MEGF11: variants seen among roughly 807,000 people sequenced by gnomAD.
MEGF11 encodes the protein multiple epidermal growth factor-like domains protein 11.
Under a neutral mutation model 146.6 loss-of-function variants are expected in MEGF11, and 126 were observed. That is an observed-to-expected ratio of 0.86 (90% CI 0.74 to 1.00). MEGF11 has a LOEUF of 1.00. Ranked by LOEUF, MEGF11 falls within the 50% of genes least tolerant of loss-of-function variation. The probability of loss-of-function intolerance (pLI) is 0.00; values close to 1 mark genes in which losing one functional copy is unlikely to be tolerated. For missense variants in MEGF11, 1,509 were observed against 1,521.2 expected (o/e 0.99, Z 0.13); for synonymous variants, 532 against 583.4 (o/e 0.91, Z 1.27).
At chr15:66,052,645 T>G (rs994149770) in intron 5 of MEGF11, among the ~76,000 whole-genome samples, 1 of 152,152 alleles carries the variant, frequency 6.6e-6, no homozygotes, top group African/African-American at 2.4e-5. Flanking sequence ...GAAGCTACTC[T>G]AAGCCGAGAG....
At chr15:66,065,311 A>C (rs2085077815) in intron 5 of MEGF11, among the ~76,000 whole-genome samples, 1 of 152,174 alleles carries the variant, frequency 6.6e-6, no homozygotes, top group Non-Finnish European at 1.5e-5. Context: ...GAAAAAAAAA[A>C]AAAAGATCCA....
intron 4 of MEGF11, among the ~76,000 whole-genome samples, chr15:66,108,878 G>C (rs2087237290): frequency 6.6e-6 from 1 of 152,228 alleles, no homozygotes; most frequent in Non-Finnish European, 1.5e-5. Flanking sequence ...GCCACTTCAT[G>C]GGCTTCAGCT....
chr15:66,099,087 G>A (rs1290932669), intron 4 of MEGF11, among the ~76,000 whole-genome samples: 1 of 152,164 alleles, frequency 6.6e-6, no homozygotes, highest in South Asian at 2.1e-4. Context: ...GGCTGATAAG[G>A]TAGAAGGACA....
intron 5 of MEGF11, among the ~76,000 whole-genome samples, chr15:66,040,649 G>T (rs1366630081): frequency 6.6e-6 from 1 of 152,164 alleles, no homozygotes; most frequent in Admixed American, 6.5e-5. Context: ...TAAATGGGGA[G>T]GGTGAAGCCA....
chr15:66,086,999 A>ATG (rs2140605189), intron 5 of MEGF11, among the ~76,000 whole-genome samples: 1 of 152,358 alleles, frequency 6.6e-6, no homozygotes, highest in South Asian at 2.1e-4. Flanking sequence ...GCAACTGGAC[A>ATG]CCAAAAGCGA....
At chr15:66,115,809 C>T (rs76738861) in intron 4 of MEGF11, among the ~76,000 whole-genome samples, 1,947 of 152,298 alleles carry the variant, frequency 0.013, 19 homozygotes, top group South Asian at 0.02. Flanking sequence ...CACCATGTGA[C>T]GATCAGAGTC....
chr15:66,239,816 C>T (rs2092172818), intron 1 of MEGF11, among the ~76,000 whole-genome samples: 1 of 152,248 alleles, frequency 6.6e-6, no homozygotes, highest in Non-Finnish European at 1.5e-5. Context: ...GGCTTCCCAA[C>T]AGGGTCAGGT....
chr15:66,068,205 C>T (rs1737600222), intron 5 of MEGF11, among the ~76,000 whole-genome samples: 1 of 152,182 alleles, frequency 6.6e-6, no homozygotes, highest in South Asian at 2.1e-4. Context: ...CTGTCCTGTG[C>T]ACTGCCTGGT....
chr15:66,105,949 T>G (rs1160780754), intron 4 of MEGF11, among the ~76,000 whole-genome samples: 1 of 152,140 alleles, frequency 6.6e-6, no homozygotes, highest in African/African-American at 2.4e-5. Flanking sequence ...TTCCTCTCTT[T>G]CCAGCCAATG....
intron 1 of MEGF11, among the ~76,000 whole-genome samples, chr15:66,252,994 G>C (rs1307761429): frequency 6.6e-6 from 1 of 152,246 alleles, no homozygotes; most frequent in Non-Finnish European, 1.5e-5. Context: ...ATAGAGTAAC[G>C]GCTATGGGAT....
chr15:66,156,570 A>T (rs2089766922), intron 1 of MEGF11, among the ~76,000 whole-genome samples: 1 of 150,866 alleles, frequency 6.6e-6, no homozygotes, highest in Admixed American at 6.6e-5. Flanking sequence ...CCCCGAGAGG[A>T]GGGAGAAGAT....
At position 65,916,709 on chromosome 15, in the gene MEGF11, C is replaced by T. The variant is rs1250677634; in HGVS notation, c.2215+119G>A. On this transcript the variant is annotated intron_variant, in intron 17 of 25. Coordinates refer to ENST00000395614, the MANE Select transcript of MEGF11 (RefSeq NM_001385028.1). Reference sequence around the variant, plus strand: ...TTCTCGTGGGGCAGGAGTCAGGTACCACCAGTCCTGGGGCTGCCTGCATTC... The same window carrying T: ...TTCTCGTGGGGCAGGAGTCAGGTACTACCAGTCCTGGGGCTGCCTGCATTC... The T allele has an allele frequency of 2.0e-6, 3 of 1,513,096 alleles. No individual in the cohort carries two copies. The Admixed American group carries it at 5.9e-5, about 30-fold the overall frequency. 93.7% of individuals were successfully genotyped at this position (1,513,096 alleles called of 1,614,324 possible).
At chr15:66,251,139 G>C (rs1164530509) in intron 1 of MEGF11, among the ~76,000 whole-genome samples, 3 of 152,196 alleles carry the variant, frequency 2.0e-5, no homozygotes, top group Non-Finnish European at 4.4e-5. Context: ...GGCTCTTCTA[G>C]CTTCCCTAGT....
chr15:65,982,144 G>GC lies in MEGF11; in HGVS notation c.641+97dup. On this transcript the variant is annotated intron_variant, in intron 6 of 25. Coordinates refer to ENST00000395614, the MANE Select transcript of MEGF11 (RefSeq NM_001385028.1). The surrounding 1 kb of genome is among the most constrained non-coding windows in gnomAD (Gnocchi z 5.6). ...GGTGAGGGCAGCCACTCCAGGCCCC[G>GC]CCCCAGCCCCTCCACCTCCTCTACC... The GC allele has an allele frequency of 3.4e-6, 3 of 874,734 alleles. No individual in the cohort carries two copies. The highest frequency in any genetic ancestry group is 2.6e-5 in the South Asian group (1 of 38,122). 54.2% of individuals were successfully genotyped at this position (874,734 alleles called of 1,614,324 possible).
chr15:65,939,571 G>T (rs112656860), intron 10 of MEGF11, among the ~76,000 whole-genome samples: 1 of 149,392 alleles, frequency 6.7e-6, no homozygotes, highest in Non-Finnish European at 1.5e-5. Flanking sequence ...CTCAGCTCAC[G>T]GTAACCTCCA....
intron 1 of MEGF11, among the ~76,000 whole-genome samples, chr15:66,224,154 G>A (rs1204409319): frequency 6.6e-6 from 1 of 152,174 alleles, no homozygotes; most frequent in Non-Finnish European, 1.5e-5. Context: ...CCTATTACCA[G>A]CTCTGTGACC....
intron 1 of MEGF11, among the ~76,000 whole-genome samples, chr15:66,227,623 C>G (rs79669512): frequency 2.6e-5 from 4 of 152,166 alleles, no homozygotes; most frequent in African/African-American, 9.7e-5. Context: ...TTGAGCTTCA[C>G]CCAGCTTCTC....
At chr15:66,201,607 C>T (rs1567281841) in intron 1 of MEGF11, among the ~76,000 whole-genome samples, 2 of 151,958 alleles carry the variant, frequency 1.3e-5, no homozygotes, top group African/African-American at 2.4e-5. Flanking sequence ...GGCACCTCTC[C>T]CTGCCGACAC....
intron 1 of MEGF11, among the ~76,000 whole-genome samples, chr15:66,208,808 G>A (rs2091367244): frequency 6.6e-6 from 1 of 152,056 alleles, no homozygotes; most frequent in African/African-American, 2.4e-5. Context: ...CTTGAACCTG[G>A]GAGGTGTGCA....
Sources: allele counts gnomAD v4.1 joint callset (sites outside exome capture counted in the v4.1 genomes callset), GRCh38; gene constraint gnomAD v4.1.1; non-coding constraint Gnocchi (gnomAD v3.1); transcripts MANE v1.5; gene names NCBI Gene and HGNC (gene_info 2026-07-23, HGNC 2026-07-21).